The following CRIM1 variants were observed in gnomAD, a reference collection of about 807,000 sequenced individuals.
The protein encoded by CRIM1 is cysteine-rich motor neuron 1 protein.
Under a neutral mutation model 116.4 loss-of-function variants are expected in CRIM1, and 32 were observed. That is an observed-to-expected ratio of 0.27 (90% CI 0.21 to 0.37). The LOEUF is 0.37. CRIM1 is among the 10% of genes least tolerant of loss of function. The pLI is 1.00. For synonymous variants in CRIM1, 590 were observed against 509.2 expected (o/e 1.16, Z -2.13); for missense variants, 1,331 against 1,354.8 (o/e 0.98, Z 0.28).
At chr2:36,503,099 A>G (rs2125092835) in intron 8 of CRIM1, among the ~76,000 whole-genome samples, 1 of 152,316 alleles carries the variant, frequency 6.6e-6, no homozygotes, top group Middle Eastern at 3.4e-3. Flanking sequence ...TTATTTGGCA[A>G]CTTTGGAAGC....
chr2:36,482,703 G>C (rs554672812), intron 7 of CRIM1, among the ~76,000 whole-genome samples: 3 of 152,190 alleles, frequency 2.0e-5, no homozygotes, highest in African/African-American at 4.8e-5. Flanking sequence ...GCACAGTTGC[G>C]TAACCAGTGT....
At chr2:36,475,534 T>C (rs1020546337) in intron 5 of CRIM1, among the ~76,000 whole-genome samples, 1 of 152,214 alleles carries the variant, frequency 6.6e-6, no homozygotes, top group Non-Finnish European at 1.5e-5. Context: ...TTAGAGATAG[T>C]TTTACTTCTT....
intron 13 of CRIM1, among the ~76,000 whole-genome samples, chr2:36,525,086 AGGGGACCATGTT>A (rs1665666025): frequency 6.6e-6 from 1 of 152,196 alleles, no homozygotes; most frequent in African/African-American, 2.4e-5. Flanking sequence ...ACTTAGCTTC[AGGGGACCATGTT>A]GGGAAGACTT....
At chr2:36,521,200 G>A (rs576275919) in intron 12 of CRIM1, among the ~76,000 whole-genome samples, 6 of 152,224 alleles carry the variant, frequency 3.9e-5, no homozygotes, top group Non-Finnish European at 8.8e-5. Flanking sequence ...GACATTTTCT[G>A]TTGCAAGTTG....
chr2:36,438,973 G>C (rs925526846), intron 2 of CRIM1, among the ~76,000 whole-genome samples: 3 of 152,324 alleles, frequency 2.0e-5, no homozygotes, highest in Middle Eastern at 6.8e-3. Context: ...CACATGGCAT[G>C]TGTGTTAATG....
At chr2:36,427,020 G>T (rs1171197402) in intron 2 of CRIM1, among the ~76,000 whole-genome samples, 2 of 152,042 alleles carry the variant, frequency 1.3e-5, no homozygotes, top group Non-Finnish European at 2.9e-5. Flanking sequence ...GACTAACATG[G>T]TGAAACCCCA....
intron 1 of CRIM1, among the ~76,000 whole-genome samples, chr2:36,394,845 C>G (rs552795287): frequency 6.6e-6 from 1 of 152,058 alleles, no homozygotes; most frequent in Admixed American, 6.5e-5. Context: ...AAGGACCGCC[C>G]TGAAGCTCTT....
intron 2 of CRIM1, among the ~76,000 whole-genome samples, chr2:36,438,717 T>C (rs1350432772): frequency 1.3e-5 from 2 of 152,036 alleles, no homozygotes; most frequent in African/African-American, 4.8e-5. Flanking sequence ...AAAACCACAT[T>C]TCTGAAAGGG....
chr2:36,544,480 A>G lies in CRIM1; in HGVS notation c.2728A>G (p.Ile910Val). 1 of 1,379,640 alleles carries G rather than the reference A, an allele frequency of 7.2e-7. No individual in the cohort carries two copies. Among genetic ancestry groups the G allele is most frequent in the Non-Finnish European group, 9.4e-7 (1 of 1,059,962 alleles). 85.5% of individuals were successfully genotyped at this position (1,379,640 alleles called of 1,614,324 possible). ...GTGGCCCACGCCTAGTGAAAATGAT[A>G]TCGTCCATCTCCCTAGAGGTAAGCA... ...PLWPTPSENDIVHLPRDMGHL... is the reference protein window; with the variant it reads ...PLWPTPSENDVVHLPRDMGHL... The change falls in exon 15 of 17, where the codon ATC (isoleucine) becomes GTC (valine). Residue 910 changes from isoleucine to valine, a missense_variant. Ile to Val is a conservative substitution (Grantham distance 29). Around this residue, in one of 3 missense-constraint regions of CRIM1, gnomAD observed 283 missense variants for 242.8 expected, o/e 1.17. Transcript: ENST00000280527.
At chr2:36,395,925 G>A (rs1301095351) in intron 1 of CRIM1, among the ~76,000 whole-genome samples, 2 of 152,166 alleles carry the variant, frequency 1.3e-5, no homozygotes, top group African/African-American at 4.8e-5. Context: ...TCTATCAATA[G>A]AGTAAAAAAT....
chr2:36,547,747 A>T (rs1322479161), intron 16 of CRIM1, among the ~76,000 whole-genome samples: 2 of 152,180 alleles, frequency 1.3e-5, no homozygotes, highest in South Asian at 2.1e-4. Flanking sequence ...GAAAAGATGT[A>T]TGTTTGTTTT....
intron 13 of CRIM1, chr2:36,529,263 T>C (rs1316210092): frequency 2.1e-6 from 1 of 467,724 alleles, no homozygotes; most frequent in Non-Finnish European, 4.4e-6. Flanking sequence ...CAGAGTCTTC[T>C]TAACAGGACT....
chr2:36,459,320 A>C (rs1439321704), intron 4 of CRIM1, among the ~76,000 whole-genome samples: 2 of 152,214 alleles, frequency 1.3e-5, no homozygotes, highest in African/African-American at 2.4e-5. Flanking sequence ...TTCCTTCCAC[A>C]TACTAATTTT....
At chr2:36,452,661 G>A (rs1461080262) in intron 4 of CRIM1, among the ~76,000 whole-genome samples, 1 of 150,864 alleles carries the variant, frequency 6.6e-6, no homozygotes, top group Non-Finnish European at 1.5e-5. Context: ...CGTGCGTGCT[G>A]TGTTTCCTGT....
intron 2 of CRIM1, among the ~76,000 whole-genome samples, chr2:36,424,096 A>C (rs1674274662): frequency 6.6e-6 from 1 of 152,222 alleles, no homozygotes; most frequent in Non-Finnish European, 1.5e-5. Flanking sequence ...GCTACAAGGA[A>C]ACAAAAATGT....
At chr2:36,404,689 CTTTG>C (rs1368734757) in intron 2 of CRIM1, among the ~76,000 whole-genome samples, 3 of 152,104 alleles carry the variant, frequency 2.0e-5, no homozygotes. Context: ...TGGGAGCTTG[CTTTG>C]TTTTTTTGTT....
At chr2:36,372,765 T>C (rs1362091767) in intron 1 of CRIM1, among the ~76,000 whole-genome samples, 1 of 152,196 alleles carries the variant, frequency 6.6e-6, no homozygotes, top group Non-Finnish European at 1.5e-5. Flanking sequence ...TTGGTGGCTT[T>C]CCCAGTAGCC....
chr2:36,374,484 G>A (rs189478899), intron 1 of CRIM1, among the ~76,000 whole-genome samples: 6 of 152,230 alleles, frequency 3.9e-5, no homozygotes, highest in African/African-American at 1.4e-4. Flanking sequence ...GTCTTACTCT[G>A]TAGACATCCT....
At chr2:36,427,026 C>T (rs1018790447) in intron 2 of CRIM1, among the ~76,000 whole-genome samples, 4 of 151,926 alleles carry the variant, frequency 2.6e-5, no homozygotes, top group Admixed American at 2.6e-4. Flanking sequence ...CATGGTGAAA[C>T]CCCATCTCTG....
Sources: gnomAD v4.1 joint callset for allele counts (sites outside exome capture counted in the v4.1 genomes callset) on GRCh38, gnomAD v4.1.1 for gene constraint, gnomAD v4.1.1 regional missense constraint, MANE v1.5 for transcripts, NCBI Gene and HGNC (gene_info 2026-07-23, HGNC 2026-07-21) for gene names.